Variants in KIAA0513 observed in about 807,000 individuals in gnomAD.
KIAA0513 encodes KIAA0513.
KIAA0513 carries 39 observed loss-of-function variants against 56.5 expected under a neutral mutation model. The observed-to-expected ratio is 0.69, with a 90% CI of 0.53 to 0.90. The LOEUF is 0.90. Among genes scored for constraint, KIAA0513 ranks in the 40% least tolerant of loss-of-function variants. The pLI, the probability that KIAA0513 is intolerant of heterozygous loss-of-function variation, is 0.00. For missense variants in KIAA0513, 591 were observed against 535.2 expected (o/e 1.10, Z -1.03); for synonymous variants, 268 against 215.6 (o/e 1.24, Z -2.13).
chr16:85,055,138 G>T (rs1190117429), intron 1 of KIAA0513, among the ~76,000 whole-genome samples: 1 of 151,980 alleles, frequency 6.6e-6, no homozygotes. Flanking sequence ...GCCCAGGCTG[G>T]TCTCAAACTC....
chr16:85,067,225 G>T lies in KIAA0513; in HGVS notation c.154G>T (p.Asp52Tyr), dbSNP rs763361170. The stretch of plus-strand genomic sequence containing the variant: ...AGAGAGTGAGACCACTGAGTCTGCG[G>T]ACAGTGAGAATGACATGGGCGAGTC... Reference protein sequence around the residue: ...ASESETTESADSENDMGESPS... With the variant: ...ASESETTESAYSENDMGESPS... The change falls in exon 2 of 13, where the codon GAC becomes TAC. Residue 52 changes from aspartate (D) to tyrosine (Y), a missense_variant. Physicochemically the swap from Asp to Tyr is radical, Grantham distance 160. Transcript: ENST00000683363. 4 of 1,614,178 alleles carry T rather than the reference G, an allele frequency of 2.5e-6. No homozygotes were observed. The highest frequency in any genetic ancestry group is 3.4e-6 in the Non-Finnish European group (4 of 1,180,014).
At position 85,064,226 on chromosome 16, in the gene KIAA0513, G is replaced by A. The variant is rs531682132; in HGVS notation, c.-172-2674G>A. ...TCACCGTGTTGGCCAGGCTGGTGTC[G>A]AACTCCTGACCTCAGGTGATCCACC... On this transcript the variant is annotated intron_variant, in intron 1 of 12. Transcript: ENST00000683363. 2.3e-3 allele frequency among the ~76,000 whole-genome samples: 345 copies of A among 151,972 alleles called. 2 individuals are homozygous for A. Among genetic ancestry groups the A allele is most frequent in the African/African-American group, 8.0e-3 (330 of 41,446 alleles).
intron 4 of KIAA0513, among the ~76,000 whole-genome samples, chr16:85,074,110 G>A (rs1597633168): frequency 1.3e-5 from 2 of 151,990 alleles, no homozygotes; most frequent in South Asian, 2.1e-4. Flanking sequence ...GAGTAGCTGG[G>A]ATTACGGGCA....
intron 12 of KIAA0513, among the ~76,000 whole-genome samples, chr16:85,087,802 C>T (rs2073826797): frequency 6.6e-6 from 1 of 152,218 alleles, no homozygotes; most frequent in African/African-American, 2.4e-5. Flanking sequence ...TTCAAGGGAT[C>T]TGTGGTGGAG....
chr16:85,088,202 G>C, intron 12 of KIAA0513, 74 bp from the exon 13 acceptor site: 1 of 1,403,124 alleles, frequency 7.1e-7, no homozygotes, highest in East Asian at 2.3e-5. Context: ...GTCCCTGTCC[G>C]AGTGACAAGA....
intron 1 of KIAA0513, among the ~76,000 whole-genome samples, chr16:85,065,577 C>T (rs908865795): frequency 6.6e-6 from 1 of 152,230 alleles, no homozygotes; most frequent in African/African-American, 2.4e-5. Flanking sequence ...AATCCATCAT[C>T]AATGGGTGAG....
At chr16:85,083,091 T>G (rs911170452) in intron 10 of KIAA0513, among the ~76,000 whole-genome samples, 2 of 152,188 alleles carry the variant, frequency 1.3e-5, no homozygotes, top group South Asian at 4.1e-4. Context: ...CACCCACTCT[T>G]GGGTGTCCTG....
intron 1 of KIAA0513, among the ~76,000 whole-genome samples, chr16:85,042,894 CTT>C (rs925518335): frequency 4.6e-5 from 7 of 152,164 alleles, no homozygotes; most frequent in Non-Finnish European, 7.3e-5. Context: ...GGAGCAGAGA[CTT>C]TTGAAATGTC....
At chr16:85,037,759 A>G (rs2073054158) in intron 1 of KIAA0513, among the ~76,000 whole-genome samples, 2 of 152,206 alleles carry the variant, frequency 1.3e-5, no homozygotes, top group Admixed American at 6.5e-5. Flanking sequence ...GGTATTCTAC[A>G]TAATCAGAAA....
chr16:85,032,777 C>A (rs1359327661), intron 1 of KIAA0513, among the ~76,000 whole-genome samples: 1 of 152,050 alleles, frequency 6.6e-6, no homozygotes, highest in East Asian at 1.9e-4. Flanking sequence ...ACTACAAGTG[C>A]CTGCCACCAC....
intron 1 of KIAA0513, among the ~76,000 whole-genome samples, chr16:85,059,554 G>T (rs1211933234): frequency 6.6e-6 from 1 of 152,246 alleles, no homozygotes; most frequent in Non-Finnish European, 1.5e-5. Context: ...TCTGCCTGGA[G>T]GTGGTCCCCG....
chr16:85,038,227 C>T (rs968240715), intron 1 of KIAA0513, among the ~76,000 whole-genome samples: 1 of 152,314 alleles, frequency 6.6e-6, no homozygotes, highest in East Asian at 1.9e-4. Flanking sequence ...TTGCCTCTTC[C>T]CTGGGCTGGG....
chr16:85,075,575 A>G (rs149555819), intron 4 of KIAA0513, among the ~76,000 whole-genome samples: 1 of 152,308 alleles, frequency 6.6e-6, no homozygotes, highest in East Asian at 1.9e-4. Flanking sequence ...CTGGGCGTCA[A>G]GTTGAGCTTC....
chr16:85,078,303 C>A (rs1041391429), intron 6 of KIAA0513, 112 bp from the exon 7 acceptor site: 1 of 1,109,658 alleles, frequency 9.0e-7, no homozygotes, highest in Non-Finnish European at 1.3e-6. Flanking sequence ...CTTTTCAGAG[C>A]AAGCCGTATT....
chr16:85,093,657 A>G lies in KIAA0513; in HGVS notation c.*5332A>G, dbSNP rs2073893136. Reference sequence around the variant, plus strand: ...TGGGAGGTGCAGCCCTAAGGGGTGGACTCCAGATCTCCCTGCAAGAGACAG... The same window carrying G: ...TGGGAGGTGCAGCCCTAAGGGGTGGGCTCCAGATCTCCCTGCAAGAGACAG... On this transcript the variant is annotated 3_prime_UTR_variant, in exon 13 of 13. Transcript: ENST00000683363. 6.6e-6 allele frequency: 1 copy of G among 152,252 alleles called. No individual in the cohort carries two copies. The highest frequency in any genetic ancestry group is 2.1e-4 in the South Asian group (1 of 4,822). The allele number at this position is 152,252 out of a possible 1,614,324, so 9.4% of individuals were successfully genotyped here.
intron 1 of KIAA0513, among the ~76,000 whole-genome samples, chr16:85,034,008 A>G (rs2073002119): frequency 1.3e-5 from 2 of 151,740 alleles, no homozygotes; most frequent in Admixed American, 6.6e-5. Flanking sequence ...CATGCTCGCC[A>G]TCCCTCCCCT....
chr16:85,045,734 T>A (rs1422894436), intron 1 of KIAA0513, among the ~76,000 whole-genome samples: 1 of 152,194 alleles, frequency 6.6e-6, no homozygotes, highest in Non-Finnish European at 1.5e-5. Context: ...TCCTAAGTTG[T>A]CATCAGGCAG....
At chr16:85,086,323 G>A (rs567040251) in intron 10 of KIAA0513, among the ~76,000 whole-genome samples, 1 of 152,252 alleles carries the variant, frequency 6.6e-6, no homozygotes, top group Non-Finnish European at 1.5e-5. Flanking sequence ...AGGCTCTGGG[G>A]CCACCCTCGC....
intron 1 of KIAA0513, among the ~76,000 whole-genome samples, chr16:85,033,436 A>G (rs1258454695): frequency 6.6e-6 from 1 of 152,232 alleles, no homozygotes; most frequent in Non-Finnish European, 1.5e-5. Flanking sequence ...GTGGAGGAAC[A>G]GCTCATCGGC....
Sources: gnomAD v4.1 joint callset for allele counts (sites outside exome capture counted in the v4.1 genomes callset) on GRCh38, gnomAD v4.1.1 for gene constraint, MANE v1.5 for transcripts, NCBI Gene and HGNC (gene_info 2026-07-23, HGNC 2026-07-21) for gene names.